FCRL3: variants seen among roughly 807,000 people sequenced by gnomAD.
FCRL3 encodes Fc receptor like 3, also known as Fc receptor-like protein 3.
A neutral mutation model predicts 75.0 loss-of-function variants in FCRL3; 89 were observed. The ratio of observed to expected loss-of-function variants is 1.19; its 90% CI spans 1.00 to 1.42. The LOEUF (loss-of-function observed/expected upper bound fraction) is 1.42, where lower values mean the gene tolerates loss of function less well. Ranked by LOEUF, FCRL3 falls within the 40% of genes most tolerant of loss-of-function variation. FCRL3 has a pLI of 0.00. For synonymous variants in FCRL3, 376 were observed against 348.5 expected, an observed-to-expected ratio of 1.08 and a Z score of -0.88; for missense variants, 946 against 880.0, an observed-to-expected ratio of 1.07 and a Z score of -0.95.
At chr1:157,693,810 C>T (rs1270799524) in intron 8 of FCRL3, among the ~76,000 whole-genome samples, 1 of 151,412 alleles carries the variant, frequency 6.6e-6, no homozygotes, top group African/African-American at 2.4e-5. Context: ...TGCAGTTGTG[C>T]AATCTTGGCT....
Position 157,695,331 on chromosome 1 carries a change from G to T in FCRL3, c.1409C>A (p.Thr470Lys). The part of the protein sequence containing the change: ...QHSHGVSLRV[T>K]VPVSRPVLTL... ...TGCTGTGGGTATATCTTGCTTACCT[G>T]TGACCCTGAGACTCACTCCATGACT... The change falls in exon 8 of 15, where the codon ACA becomes AAA. Residue 470 changes from threonine (T) to lysine (K), a missense_variant and splice_region_variant. Thr to Lys is a moderately conservative substitution (Grantham distance 78). Coordinates refer to ENST00000368184, the MANE Select transcript of FCRL3 (RefSeq NM_052939.4). 4 of 1,612,570 alleles carry T rather than the reference G, an allele frequency of 2.5e-6. No individual in the cohort carries two copies. The highest frequency in any genetic ancestry group is 3.4e-6 in the Non-Finnish European group (4 of 1,179,092).
rs145607669 is a variant in FCRL3 at position 157,697,820 on chromosome 1, T to A, written c.398A>T (p.Tyr133Phe). The change falls in exon 5 of 15, where the codon TAC (tyrosine) becomes TTC (phenylalanine). Residue 133 changes from tyrosine (Y) to phenylalanine (F), a missense_variant. Transcript: ENST00000368184. ...KDNKNTHQKV[Y>F]YKDGKQLPNS... ...AGGAAGCTGTTTTCCATCCTTGTAG[T>A]AAACCTTTTGATGAGTGTTTTTGTT... is the stretch of plus-strand genomic sequence containing the variant. The A allele has an allele frequency of 3.2e-5, 51 of 1,614,082 alleles. No homozygotes were observed. Among genetic ancestry groups the A allele is most frequent in the Non-Finnish European group, 4.3e-5 (51 of 1,180,036 alleles).
intron 10 of FCRL3, among the ~76,000 whole-genome samples, chr1:157,684,663 T>C (rs1655064476): frequency 6.6e-6 from 1 of 152,204 alleles, no homozygotes; most frequent in African/African-American, 2.4e-5. Context: ...GGTTGTGTCA[T>C]AGTACCTAAA....
rs566843294 is a variant in FCRL3 at position 157,689,820 on chromosome 1, G to A, written c.1788C>T (p.Tyr596=). The A allele has an allele frequency of 2.5e-5, 41 of 1,614,008 alleles. No homozygotes were observed. Among genetic ancestry groups the A allele is most frequent in the Non-Finnish European group, 3.3e-5 (39 of 1,180,024 alleles). The part of the protein sequence containing the change: ...VLAAAAALLH[Y]ARARRKPGGL... ...CACCTGGTTTCCTTCGGGCCCTGGCGTAATGCAGCAGAGCAGCAGCAGCAG... is the reference window on the plus strand; with the variant it reads ...CACCTGGTTTCCTTCGGGCCCTGGCATAATGCAGCAGAGCAGCAGCAGCAG... Residue 596 remains tyrosine, a synonymous_variant, in exon 10 of 15, where the codon TAC becomes TAT. Coordinates refer to ENST00000368184, the MANE Select transcript of FCRL3 (RefSeq NM_052939.4).
Position 157,681,075 on chromosome 1 carries a change from C to T in FCRL3, c.1863G>A (p.Glu621=), listed in dbSNP as rs1654808711. Reference sequence around the variant, plus strand: ...TCCTGGAAGGCCTGGACGAGGAAGGCTCCTGACACTCACTAGGACTGTGAC... The same window carrying T: ...TCCTGGAAGGCCTGGACGAGGAAGGTTCCTGACACTCACTAGGACTGTGAC... ...TSSHSPSECQ[E]PSSSRPSRID... Residue 621 remains glutamate (E), a synonymous_variant, in exon 12 of 15, where the codon GAG becomes GAA. Transcript: ENST00000368184. The T allele has an allele frequency of 6.3e-7, 1 of 1,598,020 alleles. No homozygotes were observed. The highest frequency in any genetic ancestry group is 8.5e-7 in the Non-Finnish European group (1 of 1,174,742).
chr1:157,698,870 C>A (rs1216089386), intron 3 of FCRL3, among the ~76,000 whole-genome samples: 1 of 152,204 alleles, frequency 6.6e-6, no homozygotes, highest in Non-Finnish European at 1.5e-5. Flanking sequence ...CCTGGCATAG[C>A]CTCAGAAAAG....
rs1654577968 is a variant in FCRL3, at chr1:157,678,111, G to GA, written c.*598dup. ...ATATTAAACTAGCAGAGTCTTTAAT[G>GA]AAATGCTGAAGTTATTTTTCATCAT... On this transcript the variant is annotated 3_prime_UTR_variant, in exon 15 of 15. Coordinates refer to ENST00000368184, the MANE Select transcript of FCRL3 (RefSeq NM_052939.4). 1 of 985,880 alleles carries GA rather than the reference G, an allele frequency of 1.0e-6. No individual in the cohort carries two copies. Among genetic ancestry groups the GA allele is most frequent in the African/African-American group, 1.7e-5 (1 of 57,232 alleles). 61.1% of individuals were successfully genotyped at this position (985,880 alleles called of 1,614,324 possible). A position where few individuals can be genotyped will look rare whatever the true frequency, so the allele number is the denominator to read the frequency against.
chr1:157,684,893 G>A (rs1489227839), intron 10 of FCRL3, among the ~76,000 whole-genome samples: 1 of 152,130 alleles, frequency 6.6e-6, no homozygotes, highest in Non-Finnish European at 1.5e-5. Flanking sequence ...GAAGGTCTGA[G>A]CTTCTTCCTG....
In FCRL3 at chr1:157,700,478, C is replaced by A; in HGVS notation, c.12G>T (p.Trp4Cys). The A allele has an allele frequency of 1.9e-6, 3 of 1,614,108 alleles. No individual in the cohort carries two copies. Among genetic ancestry groups the A allele is most frequent in the Non-Finnish European group, 2.5e-6 (3 of 1,179,994 alleles). ...ACTCACTCAGGATCAGCAGCAGCAG[C>A]CACAGAAGCATGGGCACCGGCCGGG... is the stretch of plus-strand genomic sequence containing the variant. MLL[W>C]LLLLILTPGR... The change falls in exon 2 of 15, where the codon TGG becomes TGT. Residue 4 changes from tryptophan (W) to cysteine (C), a missense_variant. Trp to Cys is a radical substitution (Grantham distance 215). Transcript: ENST00000368184.
Position 157,690,551 on chromosome 1 carries a change from G to T in FCRL3, c.1412-18C>A, listed in dbSNP as rs902166781. The stretch of plus-strand genomic sequence containing the variant: ...CACCGGAACTGAGGGAGGAAAAATA[G>T]TTCACTGGCAGTTTTACTTAAGTAG... On this transcript the variant is annotated intron_variant, in intron 8 of 14. Coordinates refer to ENST00000368184, the MANE Select transcript of FCRL3 (RefSeq NM_052939.4). The T allele has an allele frequency of 1.2e-6, 2 of 1,611,788 alleles. No homozygotes were observed. Among genetic ancestry groups the T allele is most frequent in the Admixed American group, 3.4e-5 (2 of 59,660 alleles).
rs1378112312 is a variant in FCRL3 at position 157,681,099 on chromosome 1, A to G, written c.1839T>C (p.Ser613=). The G allele has an allele frequency of 6.5e-7, 1 of 1,549,608 alleles. No individual in the cohort carries two copies. The highest frequency in any genetic ancestry group is 2.2e-5 in the Admixed American group (1 of 45,650). The change falls in exon 12 of 15, where the codon AGT becomes AGC. Residue 613 remains serine (S), a splice_region_variant and synonymous_variant. Coordinates refer to ENST00000368184, the MANE Select transcript of FCRL3 (RefSeq NM_052939.4). The part of the protein sequence containing the change: ...PGGLSATGTS[S]HSPSECQEPS... ...GCTCCTGACACTCACTAGGACTGTG[A>G]CTGTGACAGAGGGGGAGAGAATGGA... is the stretch of plus-strand genomic sequence containing the variant.
intron 12 of FCRL3, 99 bp from the exon 13 acceptor site, chr1:157,680,869 T>C: frequency 6.9e-7 from 1 of 1,442,316 alleles, no homozygotes; most frequent in Non-Finnish European, 9.7e-7. Flanking sequence ...ATTCCCAGTG[T>C]AATGCTAGGA....
At chr1:157,684,212 G>T (rs1448901132) in intron 10 of FCRL3, among the ~76,000 whole-genome samples, 3 of 152,120 alleles carry the variant, frequency 2.0e-5, no homozygotes, top group South Asian at 2.1e-4. Flanking sequence ...CCGAAATATT[G>T]AATCTTTCAG....
chr1:157,678,007 G>A lies in FCRL3; in HGVS notation c.*703C>T, dbSNP rs191913200. The stretch of plus-strand genomic sequence containing the variant: ...AAATCTATCATGTATGGCAAATGAT[G>A]AGACTATGTCATGAAGCAAAAATTA... On this transcript the variant is annotated 3_prime_UTR_variant, in exon 15 of 15. Coordinates refer to ENST00000368184, the MANE Select transcript of FCRL3 (RefSeq NM_052939.4). 1.6e-3 allele frequency: 1,609 copies of A among 985,356 alleles called. 8 individuals are homozygous for A. In the Middle Eastern group the frequency reaches 0.02, roughly 12 times the overall value. 61.0% of individuals were successfully genotyped at this position (985,356 alleles called of 1,614,324 possible).
At chr1:157,691,762 G>A (rs1250566017) in intron 8 of FCRL3, 1 of 152,138 alleles carries the variant, frequency 6.6e-6, no homozygotes, top group African/African-American at 2.4e-5. Context: ...TCTGGAAAGA[G>A]AGATTTCCAA....
chr1:157,677,949 T>A lies in FCRL3; in HGVS notation c.*761A>T. On this transcript the variant is annotated 3_prime_UTR_variant, in exon 15 of 15. Coordinates refer to ENST00000368184, the MANE Select transcript of FCRL3 (RefSeq NM_052939.4). Reference sequence around the variant, plus strand: ...TAGTAGGTTATTGTCTCGGGGTTAATGGGTGCTTATAAGAATAAAACTGAC... The same window carrying A: ...TAGTAGGTTATTGTCTCGGGGTTAAAGGGTGCTTATAAGAATAAAACTGAC... The A allele has an allele frequency of 1.0e-6, 1 of 985,044 alleles. No individual in the cohort carries two copies. Among genetic ancestry groups the A allele is most frequent in the Non-Finnish European group, 1.2e-6 (1 of 829,634 alleles). 61.0% of individuals were successfully genotyped at this position (985,044 alleles called of 1,614,324 possible).
At chr1:157,679,804 G>A (rs938461181) in intron 13 of FCRL3, among the ~76,000 whole-genome samples, 6 of 125,076 alleles carry the variant, frequency 4.8e-5, no homozygotes, top group African/African-American at 1.9e-4. Context: ...ACTCCAGCCT[G>A]GGCGACAGAA....
intron 11 of FCRL3, among the ~76,000 whole-genome samples, chr1:157,682,162 G>A (rs894399414): frequency 1.8e-4 from 28 of 152,170 alleles, no homozygotes; most frequent in Admixed American, 3.9e-4. Flanking sequence ...CAGATGAGTA[G>A]GTTGCGAAAA....
chr1:157,679,097 G>T (rs1394776148), intron 13 of FCRL3, 124 bp from the exon 14 acceptor site: 1 of 1,109,692 alleles, frequency 9.0e-7, no homozygotes, highest in Non-Finnish European at 1.4e-6. Context: ...TGTTTCCTCT[G>T]CTGGATTCTT....
Sources: gnomAD v4.1 joint callset for allele counts (sites outside exome capture counted in the v4.1 genomes callset) on GRCh38, gnomAD v4.1.1 for gene constraint, MANE v1.5 for transcripts, NCBI Gene and HGNC (gene_info 2026-07-23, HGNC 2026-07-21) for gene names.